The following ARID4A variants were observed in gnomAD, a reference collection of about 807,000 sequenced individuals.
ARID4A encodes the protein AT-rich interaction domain 4A.
In ARID4A, 39 loss-of-function variants were observed where a neutral mutation model predicts 148.6. The ratio of observed to expected loss-of-function variants is 0.26; its 90% CI spans 0.20 to 0.34. The LOEUF (loss-of-function observed/expected upper bound fraction) is 0.34, where lower values mean the gene tolerates loss of function less well. Ranked by LOEUF, ARID4A falls within the 10% of genes least tolerant of loss-of-function variation. ARID4A has a pLI of 1.00. For missense variants in ARID4A, 1,265 were observed against 1,449.1 expected, an observed-to-expected ratio of 0.87 and a Z score of 2.06; for synonymous variants, 475 against 481.2, an observed-to-expected ratio of 0.99 and a Z score of 0.17.
At chr14:58,325,293 G>C (rs938885660) in intron 8 of ARID4A, among the ~76,000 whole-genome samples, 2 of 151,788 alleles carry the variant, frequency 1.3e-5, no homozygotes, top group African/African-American at 4.8e-5. Flanking sequence ...GTTTTGTTTT[G>C]TTTTGTTTTT....
chr14:58,333,969 T>C (rs979137602), intron 11 of ARID4A, among the ~76,000 whole-genome samples: 5 of 152,292 alleles, frequency 3.3e-5, no homozygotes, highest in Non-Finnish European at 7.4e-5. Flanking sequence ...ATTGGGACTT[T>C]AGCTTGCAAT....
chr14:58,303,680 C>T, intron 3 of ARID4A: 2 of 320,026 alleles, frequency 6.2e-6, no homozygotes, highest in South Asian at 4.9e-5. Flanking sequence ...CCCTCCAGAC[C>T]AGCAGCATCA....
intron 5 of ARID4A, 121 bp downstream of exon 5, chr14:58,306,233 G>C: frequency 1.5e-6 from 1 of 663,448 alleles, no homozygotes; most frequent in Non-Finnish European, 2.5e-6. Flanking sequence ...CAGTTTACTG[G>C]ATATAGCTGA....
intron 9 of ARID4A, 75 bp downstream of exon 9, chr14:58,328,391 C>G: frequency 1.0e-6 from 1 of 955,196 alleles, no homozygotes; most frequent in Non-Finnish European, 1.6e-6. Context: ...ACACCTCCCC[C>G]ACCAAAACTT....
intron 9 of ARID4A, among the ~76,000 whole-genome samples, chr14:58,328,540 GTTTTT>G (rs76707430): frequency 6.8e-6 from 1 of 147,280 alleles, no homozygotes; most frequent in Admixed American, 6.8e-5. Context: ...ATTAAGAACA[GTTTTT>G]TTTTTAGCAA....
chr14:58,305,030 A>C (rs769192639), intron 4 of ARID4A, 21 bp downstream of exon 4: 1 of 1,548,360 alleles, frequency 6.5e-7, no homozygotes, highest in Non-Finnish European at 8.7e-7. Context: ...TGTACGGTTT[A>C]AAATCTGAAA....
intron 7 of ARID4A, among the ~76,000 whole-genome samples, chr14:58,319,789 C>T (rs1188201484): frequency 1.3e-5 from 2 of 151,188 alleles, no homozygotes; most frequent in South Asian, 2.1e-4. Context: ...GTGATTTGCC[C>T]GCCTTGGCCT....
chr14:58,310,676 CAT>C (rs2031956865), intron 5 of ARID4A, among the ~76,000 whole-genome samples: 1 of 146,686 alleles, frequency 6.8e-6, no homozygotes, highest in African/African-American at 2.5e-5. Flanking sequence ...TAGAAGAAAA[CAT>C]AGGGGAAGAG....
At chr14:58,362,496 G>T (rs975727190) in intron 19 of ARID4A, among the ~76,000 whole-genome samples, 1 of 151,836 alleles carries the variant, frequency 6.6e-6, no homozygotes, top group Non-Finnish European at 1.5e-5. Context: ...AGGCTGAGGT[G>T]GGAGGATTGC....
In ARID4A at chr14:58,371,925, A is replaced by G. The variant is rs757958287; in HGVS notation, c.3710A>G (p.Asp1237Gly). 3 of 1,613,450 alleles carry G rather than the reference A, an allele frequency of 1.9e-6. No individual in the cohort carries two copies. Among genetic ancestry groups the G allele is most frequent in the Admixed American group, 3.3e-5 (2 of 60,016 alleles). The change falls in exon 24 of 24, where the codon GAC becomes GGC. Residue 1237 changes from aspartate (D) to glycine (G), a missense_variant. Around this residue, in one of 9 missense-constraint regions of ARID4A, gnomAD observed 666 missense variants for 730.9 expected, o/e 0.91. Transcript: ENST00000355431. ...AGASMSSASSDTGMSPSSSSP... is the reference protein window; with the variant it reads ...AGASMSSASSGTGMSPSSSSP... ...GCCTCCATGTCATCTGCTTCATCAG[A>G]CACTGGAATGAGTCCCTCATCATCA...
chr14:58,311,645 T>C (rs2032042128), intron 5 of ARID4A, among the ~76,000 whole-genome samples: 1 of 152,202 alleles, frequency 6.6e-6, no homozygotes, highest in Non-Finnish European at 1.5e-5. Flanking sequence ...CCCATGTTTA[T>C]TGCAGCACTA....
At chr14:58,351,481 T>C in intron 16 of ARID4A, 158 bp downstream of exon 16, 1 of 991,698 alleles carries the variant, frequency 1.0e-6, no homozygotes, top group Non-Finnish European at 1.5e-6. Context: ...ATGATGTGTA[T>C]TGCCTTTCGG....
rs369808023 is a variant in ARID4A, at chr14:58,317,743, C to T, written c.275-799C>T. 9.4e-5 allele frequency among the ~76,000 whole-genome samples: 13 copies of T among 137,994 alleles called. 1 individual carries two copies. In the East Asian group the frequency reaches 2.8e-3, roughly 30 times the overall value. 90.5% of individuals were successfully genotyped at this position (137,994 alleles called of 152,430 possible). A position where few individuals can be genotyped will look rare whatever the true frequency, so the allele number is the denominator to read the frequency against. On this transcript the variant is annotated intron_variant, in intron 5 of 23. Coordinates refer to ENST00000355431, the MANE Select transcript of ARID4A (RefSeq NM_002892.4). ...GTTTTTCGCGGCTCAAGCAATCGTT[C>T]CACCATGGCCTCTCCAGTAGCTGGG...
intron 8 of ARID4A, among the ~76,000 whole-genome samples, chr14:58,324,265 T>C (rs1480111507): frequency 6.6e-6 from 1 of 152,060 alleles, no homozygotes; most frequent in African/African-American, 2.4e-5. Flanking sequence ...GTACTAACTT[T>C]TATAGAGAAA....
At chr14:58,363,043 A>G (rs1296554181) in intron 19 of ARID4A, among the ~76,000 whole-genome samples, 1 of 152,202 alleles carries the variant, frequency 6.6e-6, no homozygotes, top group African/African-American at 2.4e-5. Context: ...AGTGAAAGGT[A>G]CCCTCTTAGA....
chr14:58,323,488 T>C lies in ARID4A; in HGVS notation c.453T>C (p.Thr151=), dbSNP rs1428078759. 4 of 1,608,842 alleles carry C rather than the reference T, an allele frequency of 2.5e-6. No homozygotes were observed. In the African/African-American group the frequency reaches 4.0e-5, roughly 16 times the overall value. Residue 151 remains threonine, a synonymous_variant, in exon 8 of 24, where the codon ACT becomes ACC. Transcript: ENST00000355431. ...NRGRRSSLPV[T]EDEKEEESSE... The stretch of plus-strand genomic sequence containing the variant: ...ATCAAGTTATTCTAACTTTTAGTAC[T>C]GAAGATGAAAAGGAAGAAGAAAGCA...
At chr14:58,339,793 A>G (rs925074953) in intron 11 of ARID4A, among the ~76,000 whole-genome samples, 6 of 152,060 alleles carry the variant, frequency 3.9e-5, no homozygotes, top group African/African-American at 1.4e-4. Flanking sequence ...GGAAACTTAT[A>G]ATCAGGACAA....
intron 17 of ARID4A, among the ~76,000 whole-genome samples, chr14:58,358,117 A>T (rs1322727972): frequency 6.6e-6 from 1 of 152,102 alleles, no homozygotes; most frequent in African/African-American, 2.4e-5. Context: ...TGGGAGGATC[A>T]TCTGAGCCCA....
At chr14:58,308,840 TTTTTTGGTTTCA>T (rs1213801302) in intron 5 of ARID4A, among the ~76,000 whole-genome samples, 1 of 152,182 alleles carries the variant, frequency 6.6e-6, no homozygotes, top group Non-Finnish European at 1.5e-5. Flanking sequence ...GTGTGTTACC[TTTTTTGGTTTCA>T]TGAGATACCA....
Sources: gnomAD v4.1 joint callset for allele counts (sites outside exome capture counted in the v4.1 genomes callset) on GRCh38, gnomAD v4.1.1 for gene constraint, gnomAD v4.1.1 regional missense constraint, MANE v1.5 for transcripts, NCBI Gene and HGNC (gene_info 2026-07-23, HGNC 2026-07-21) for gene names.